The following TCERG1L variants were observed in gnomAD, a reference collection of about 807,000 sequenced individuals.
The protein encoded by TCERG1L is transcription elongation regulator 1 like, also known as transcription elongation regulator 1-like protein.
A neutral mutation model predicts 56.3 loss-of-function variants in TCERG1L; 37 were observed. That is an observed-to-expected ratio of 0.66 (90% CI 0.51 to 0.87). TCERG1L has a LOEUF of 0.87. TCERG1L is among the 40% of genes least tolerant of loss of function. The probability of loss-of-function intolerance (pLI) is 0.00; values close to 1 mark genes in which losing one functional copy is unlikely to be tolerated. For missense variants in TCERG1L, 799 were observed against 774.2 expected (o/e 1.03, Z -0.38); for synonymous variants, 324 against 326.3 (o/e 0.99, Z 0.08).
At chr10:131,294,941 C>T (rs1437071109) in intron 3 of TCERG1L, among the ~76,000 whole-genome samples, 3 of 152,008 alleles carry the variant, frequency 2.0e-5, no homozygotes, top group Non-Finnish European at 2.9e-5. Context: ...GCCAGATAAA[C>T]GTCCACCATC....
intron 4 of TCERG1L, among the ~76,000 whole-genome samples, chr10:131,184,773 C>T (rs1316864727): frequency 6.6e-6 from 1 of 152,236 alleles, no homozygotes; most frequent in Non-Finnish European, 1.5e-5. Flanking sequence ...GTCCATCAGC[C>T]TCTCGCCTCA....
At chr10:131,263,595 C>A (rs1389778330) in intron 3 of TCERG1L, among the ~76,000 whole-genome samples, 1 of 152,194 alleles carries the variant, frequency 6.6e-6, no homozygotes, top group East Asian at 1.9e-4. Flanking sequence ...CATACATTTG[C>A]CATATTTTTA....
At chr10:131,244,806 C>T (rs570641121) in intron 4 of TCERG1L, among the ~76,000 whole-genome samples, 24 of 152,210 alleles carry the variant, frequency 1.6e-4, no homozygotes, top group African/African-American at 5.8e-4. Flanking sequence ...ACTAGTGGGC[C>T]CAGGTGTCCC....
intron 3 of TCERG1L, among the ~76,000 whole-genome samples, chr10:131,262,611 T>C (rs1846246249): frequency 6.6e-6 from 1 of 152,170 alleles, no homozygotes; most frequent in African/African-American, 2.4e-5. Flanking sequence ...GGCATCAGCG[T>C]GGTGGGTTTG....
Position 131,093,009 on chromosome 10 carries a change from G to A in TCERG1L, c.*153C>T. On this transcript the variant is annotated 3_prime_UTR_variant, in exon 12 of 12. Coordinates refer to ENST00000368642, the MANE Select transcript of TCERG1L (RefSeq NM_174937.4). ...AAAGAGAGAGCTTCAATATGAAACA[G>A]TAATCCTCTGAGAACGAAGACCCCG... is the stretch of plus-strand genomic sequence containing the variant. The A allele has an allele frequency of 1.5e-6, 1 of 661,694 alleles. No homozygotes were observed. The highest frequency in any genetic ancestry group is 2.5e-6 in the Non-Finnish European group (1 of 396,708). The allele number at this position is 661,694 out of a possible 1,614,324, so 41.0% of individuals were successfully genotyped here.
chr10:131,097,986 C>G (rs975363690), intron 11 of TCERG1L, among the ~76,000 whole-genome samples: 1 of 152,138 alleles, frequency 6.6e-6, no homozygotes, highest in Admixed American at 6.5e-5. Context: ...TGAGTGCTCA[C>G]GTATTGATTG....
intron 3 of TCERG1L, among the ~76,000 whole-genome samples, chr10:131,263,377 C>T (rs1172081564): frequency 6.6e-6 from 1 of 152,152 alleles, no homozygotes; most frequent in East Asian, 1.9e-4. Flanking sequence ...GATAAAAAGG[C>T]CCCTCCTGAA....
At position 131,118,684 on chromosome 10, in the gene TCERG1L, AACCCTG is replaced by A. The variant is rs1438767645; in HGVS notation, c.1260-1756_1260-1751del. Among the ~76,000 whole-genome samples the A allele has an allele frequency of 1.3e-5, 2 of 152,124 alleles. No individual in the cohort carries two copies. Among genetic ancestry groups the A allele is most frequent in the African/African-American group, 2.4e-5 (1 of 41,428 alleles). On this transcript the variant is annotated intron_variant, in intron 8 of 11. Coordinates refer to ENST00000368642, the MANE Select transcript of TCERG1L (RefSeq NM_174937.4). This position sits in a 1 kb window ranked among gnomAD's most constrained non-coding sequence, Gnocchi z 4.2. ...GGTAATTTTCCATCCACTGACCCCC[AACCCTG>A]ACCGTGGCTATCAAATCCTGCTTTT...
intron 3 of TCERG1L, among the ~76,000 whole-genome samples, chr10:131,271,649 T>C (rs1446733812): frequency 1.3e-5 from 2 of 152,232 alleles, no homozygotes; most frequent in Non-Finnish European, 2.9e-5. Flanking sequence ...TGCTAAGCAT[T>C]TGCCTTCTGC....
At chr10:131,134,077 C>G (rs1278229508) in intron 8 of TCERG1L, among the ~76,000 whole-genome samples, 1 of 152,156 alleles carries the variant, frequency 6.6e-6, no homozygotes, top group African/African-American at 2.4e-5. Flanking sequence ...ATGCACCTGG[C>G]CCCCATGACC....
intron 5 of TCERG1L, 121 bp downstream of exon 5, chr10:131,166,676 A>C: frequency 1.0e-6 from 1 of 976,694 alleles, no homozygotes; most frequent in Admixed American, 2.2e-5. Flanking sequence ...GCTGCTTCAC[A>C]CAGCAGATGG....
In TCERG1L at chr10:131,187,955, T is replaced by G. The variant is rs929076946; in HGVS notation, c.857-21070A>C. ...CTGAGCCTGTGCCTGATGGAAGGGG[T>G]AGATTTGGAGCTGAGTCACACAGAG... On this transcript the variant is annotated intron_variant, in intron 4 of 11. Transcript: ENST00000368642. Among the ~76,000 whole-genome samples the G allele has an allele frequency of 2.6e-5, 4 of 152,108 alleles. No homozygotes were observed. In the South Asian group the frequency reaches 6.2e-4, roughly 24 times the overall value.
At chr10:131,291,143 TTCTG>T (rs1193912777) in intron 3 of TCERG1L, among the ~76,000 whole-genome samples, 1 of 152,186 alleles carries the variant, frequency 6.6e-6, no homozygotes, top group Admixed American at 6.5e-5. Flanking sequence ...TTTATAATTA[TTCTG>T]TCTTCCATTT....
intron 1 of TCERG1L, among the ~76,000 whole-genome samples, chr10:131,310,863 G>C (rs1461011541): frequency 6.6e-6 from 1 of 152,214 alleles, no homozygotes; most frequent in Non-Finnish European, 1.5e-5. Context: ...ATCTGAAACA[G>C]CTGAAACAGC....
At chr10:131,197,520 C>T (rs889746828) in intron 4 of TCERG1L, among the ~76,000 whole-genome samples, 2 of 151,932 alleles carry the variant, frequency 1.3e-5, no homozygotes, top group Non-Finnish European at 2.9e-5. Context: ...GCAAACTTCA[C>T]AAAGTGTACA....
At chr10:131,123,289 G>A (rs541428615) in intron 8 of TCERG1L, among the ~76,000 whole-genome samples, 4 of 152,310 alleles carry the variant, frequency 2.6e-5, no homozygotes, top group Admixed American at 2.6e-4. Context: ...AATCAAAGAT[G>A]CTGGATGCTC....
intron 4 of TCERG1L, among the ~76,000 whole-genome samples, chr10:131,255,284 C>A (rs117162878): frequency 1.3e-5 from 2 of 152,284 alleles, no homozygotes; most frequent in East Asian, 3.9e-4. Flanking sequence ...CCAGCAGGGA[C>A]AACTTTAAAG....
At chr10:131,280,486 T>C (rs1169716939) in intron 3 of TCERG1L, among the ~76,000 whole-genome samples, 2 of 151,702 alleles carry the variant, frequency 1.3e-5, no homozygotes, top group African/African-American at 4.9e-5. Flanking sequence ...GTTGCATTCT[T>C]TCCAGTTCCT....
At chr10:131,284,339 A>T (rs77385985) in intron 3 of TCERG1L, among the ~76,000 whole-genome samples, 11,237 of 152,158 alleles carry the variant, frequency 0.074, 522 homozygotes, top group African/African-American at 0.11. Flanking sequence ...ATGAAAATTT[A>T]AAATTTAAAT....
Sources: allele counts gnomAD v4.1 joint callset (sites outside exome capture counted in the v4.1 genomes callset), GRCh38; gene constraint gnomAD v4.1.1; non-coding constraint Gnocchi (gnomAD v3.1); transcripts MANE v1.5; gene names NCBI Gene and HGNC (gene_info 2026-07-23, HGNC 2026-07-21).